NDUFAF7: variants seen among roughly 807,000 people sequenced by gnomAD.
The protein encoded by NDUFAF7 is protein arginine methyltransferase NDUFAF7, mitochondrial.
A neutral mutation model predicts 47.2 loss-of-function variants in NDUFAF7; 48 were observed. The ratio of observed to expected loss-of-function variants is 1.02; its 90% CI spans 0.81 to 1.29. NDUFAF7 has a LOEUF of 1.29. NDUFAF7 is among the 50% of genes most tolerant of loss of function. The pLI, the probability that NDUFAF7 is intolerant of heterozygous loss-of-function variation, is 0.00. For missense variants in NDUFAF7, 635 were observed against 537.6 expected (o/e 1.18, Z -1.79); for synonymous variants, 217 against 190.0 (o/e 1.14, Z -1.17).
rs1243232506 is a variant in NDUFAF7 at position 37,236,141 on chromosome 2, A to G, written c.262A>G (p.Ile88Val). ...RDMLGEKGDF[I>V]TSPEISQIFG... ...CATGCTAGGCGAAAAAGGAGATTTC[A>G]TTACTTCACCTGAAATAAGTCAAAT... Residue 88 changes from isoleucine (I) to valine (V), a missense_variant, in exon 3 of 10, where the codon ATT (isoleucine) becomes GTT (valine). By Grantham distance (29) the Ile-to-Val change is conservative. Coordinates refer to ENST00000002125, the MANE Select transcript of NDUFAF7 (RefSeq NM_144736.5). 2.1e-5 allele frequency: 34 copies of G among 1,613,398 alleles called. No homozygotes were observed. The highest frequency in any genetic ancestry group is 2.9e-5 in the Non-Finnish European group (34 of 1,179,414).
the NDUFAF7 span, among the ~76,000 whole-genome samples, chr2:37,265,518 C>A: frequency 1.3e-5 from 2 of 152,112 alleles, no homozygotes; most frequent in Admixed American, 6.5e-5. Context: ...AACACACACA[C>A]AGAGTGGGTC....
At chr2:37,254,786 A>T (rs576665496), downstream of NDUFAF7, among the ~76,000 whole-genome samples, 33 of 152,228 alleles carry the variant, frequency 2.2e-4, no homozygotes, top group Non-Finnish European at 3.5e-4. Context: ...TGGTCTGGAA[A>T]GGCACTGCCT....
chr2:37,259,656 T>C, the NDUFAF7 span: 4 of 1,612,790 alleles, frequency 2.5e-6, no homozygotes, highest in Non-Finnish European at 3.4e-6. Context: ...ATTCTTAAAA[T>C]GCAGATTCCT....
At chr2:37,246,284 ATTG>A in intron 8 of NDUFAF7, 89 bp downstream of exon 8, 1 of 1,397,468 alleles carries the variant, frequency 7.2e-7, no homozygotes, top group Admixed American at 1.7e-5. Context: ...AGTGCCTGGT[ATTG>A]TTGTATTACA....
Position 37,242,702 on chromosome 2 carries a change from G to A in NDUFAF7, c.681+9G>A, listed in dbSNP as rs553495802. On this transcript the variant is annotated intron_variant, in intron 6 of 9. Transcript: ENST00000002125. ...CTGTGCATAAATTTCAGGTATTGAG[G>A]GGGGAAAAAAGTCATGTCTATAATT... 4.4e-6 allele frequency: 7 copies of A among 1,580,808 alleles called. No individual in the cohort carries two copies. Among genetic ancestry groups the A allele is most frequent in the South Asian group, 2.2e-5 (2 of 90,404 alleles).
downstream of NDUFAF7, chr2:37,250,534 T>A (rs933808761): frequency 7.9e-5 from 12 of 152,170 alleles, no homozygotes; most frequent in African/African-American, 2.4e-4. Flanking sequence ...AGCTTTTTTT[T>A]ATTTTTGGCA....
chr2:37,264,473 G>A, the NDUFAF7 span, among the ~76,000 whole-genome samples: 5 of 137,460 alleles, frequency 3.6e-5, no homozygotes, highest in African/African-American at 1.3e-4. Flanking sequence ...TAGTATGAAG[G>A]TGATAAGTGC....
Position 37,232,228 on chromosome 2 carries a change from G to A in NDUFAF7, c.178G>A (p.Ala60Thr). Residue 60 changes from alanine (A) to threonine (T), a missense_variant, in exon 2 of 10, where the codon GCC becomes ACC. Transcript: ENST00000002125. ...AAAGTCTACTGGTCCCATCACTGTG[G>A]CCGAGTACATGAAGGAGGTGTTGAC... is the stretch of plus-strand genomic sequence containing the variant. Reference protein sequence around the residue: ...KIKSTGPITVAEYMKEVLTNP... With the variant: ...KIKSTGPITVTEYMKEVLTNP... The A allele has an allele frequency of 6.2e-7, 1 of 1,613,696 alleles. No individual in the cohort carries two copies. The highest frequency in any genetic ancestry group is 8.5e-7 in the Non-Finnish European group (1 of 1,180,038).
At chr2:37,253,544 ACT>A, downstream of NDUFAF7, 1 of 484,304 alleles carries the variant, frequency 2.1e-6, no homozygotes, top group Non-Finnish European at 3.5e-6. Context: ...AATTTTTCAA[ACT>A]CAGAGTCTCC....
downstream of NDUFAF7, chr2:37,253,106 A>G (rs1056021): frequency 0.3 from 433,103 of 1,440,670 alleles, 67,375 homozygotes; most frequent in East Asian, 0.46. Context: ...GACAATCTAC[A>G]AAGAACAAGT....
rs765979011 is a variant in NDUFAF7 at position 37,236,127 on chromosome 2, A to G, written c.248A>G (p.Glu83Gly). The G allele has an allele frequency of 1.2e-6, 2 of 1,613,058 alleles. No homozygotes were observed. The highest frequency in any genetic ancestry group is 1.7e-5 in the Admixed American group (1 of 59,992). The change falls in exon 3 of 10, where the codon GAA becomes GGA. Residue 83 changes from glutamate to glycine, a missense_variant. Glu to Gly is a moderately conservative substitution (Grantham distance 98). Transcript: ENST00000002125. ...TATGTGTACCGTGACATGCTAGGCGAAAAAGGAGATTTCATTACTTCACCT... is the reference window on the plus strand; with the variant it reads ...TATGTGTACCGTGACATGCTAGGCGGAAAAGGAGATTTCATTACTTCACCT... ...GYYVYRDMLGEKGDFITSPEI... is the reference protein window; with the variant it reads ...GYYVYRDMLGGKGDFITSPEI...
At chr2:37,267,648 A>AT in the NDUFAF7 span, 2 of 829,640 alleles carry the variant, frequency 2.4e-6, no homozygotes, top group East Asian at 5.2e-5. Context: ...TTTTTGGCTC[A>AT]TTTTTGTTCT....
At chr2:37,241,434 CTGCTGG>C in intron 4 of NDUFAF7, 138 bp from the exon 5 acceptor site, 1 of 692,386 alleles carries the variant, frequency 1.4e-6, no homozygotes. Flanking sequence ...TTCTTATAGA[CTGCTGG>C]AGAGTGGCTT....
At chr2:37,263,395 T>G in the NDUFAF7 span, among the ~76,000 whole-genome samples, 1 of 152,212 alleles carries the variant, frequency 6.6e-6, no homozygotes, top group Non-Finnish European at 1.5e-5. Flanking sequence ...TAATGAGGCA[T>G]TCTTTGTTTT....
chr2:37,232,486 G>T (rs1416712863), intron 2 of NDUFAF7, among the ~76,000 whole-genome samples: 1 of 152,244 alleles, frequency 6.6e-6, no homozygotes, highest in South Asian at 2.1e-4. Context: ...GTCCAAGGGT[G>T]TTTAGGAGAC....
At chr2:37,237,389 T>G (rs1057482164) in intron 3 of NDUFAF7, among the ~76,000 whole-genome samples, 1 of 152,252 alleles carries the variant, frequency 6.6e-6, no homozygotes, top group Admixed American at 6.5e-5. Context: ...ACATTAGTTA[T>G]TATAAGAATC....
chr2:37,264,908 T>C, the NDUFAF7 span, among the ~76,000 whole-genome samples: 1 of 152,132 alleles, frequency 6.6e-6, no homozygotes, highest in African/African-American at 2.4e-5. Context: ...GCTCAAGAGA[T>C]TGGATACTCC....
chr2:37,250,932 C>G (rs1667438268), downstream of NDUFAF7: 1 of 152,630 alleles, frequency 6.6e-6, no homozygotes, highest in South Asian at 2.1e-4. Context: ...GATTCTCTGA[C>G]AGTGCCTTTA....
At chr2:37,270,634 C>T in the NDUFAF7 span, among the ~76,000 whole-genome samples, 2 of 152,122 alleles carry the variant, frequency 1.3e-5, no homozygotes, top group Non-Finnish European at 1.5e-5. Flanking sequence ...TTAGCAGACC[C>T]ACACTTATAA....
Sources: gnomAD v4.1 joint callset for allele counts (sites outside exome capture counted in the v4.1 genomes callset) on GRCh38, gnomAD v4.1.1 for gene constraint, MANE v1.5 for transcripts, NCBI Gene and HGNC (gene_info 2026-07-23, HGNC 2026-07-21) for gene names.